Variants in ADARB2 observed in about 807,000 individuals in gnomAD.
The protein encoded by ADARB2 is adenosine deaminase RNA specific B2 (inactive).
A neutral mutation model predicts 62.2 loss-of-function variants in ADARB2; 25 were observed. The ratio of observed to expected loss-of-function variants is 0.40; its 90% CI spans 0.29 to 0.56. The LOEUF (loss-of-function observed/expected upper bound fraction) is 0.56. Among genes scored for constraint, ADARB2 ranks in the 20% least tolerant of loss-of-function variants. The probability of loss-of-function intolerance (pLI) is 0.43; values close to 1 mark genes in which losing one functional copy is unlikely to be tolerated. For missense variants in ADARB2, 1,071 were observed against 1,077.4 expected (o/e 0.99, Z 0.08); for synonymous variants, 572 against 500.8 (o/e 1.14, Z -1.90).
Position 1,312,212 on chromosome 10 carries a change from T to C in ADARB2, c.1078-41143A>G, listed in dbSNP as rs565179005. Reference sequence around the variant, plus strand: ...TCTCCTTGGAGCATGCGAACCTTGGTGGGTGCTGGCTGGCCTGCACCAGAG... The same window carrying C: ...TCTCCTTGGAGCATGCGAACCTTGGCGGGTGCTGGCTGGCCTGCACCAGAG... On this transcript the variant is annotated intron_variant, in intron 3 of 9. Coordinates refer to ENST00000381312, the MANE Select transcript of ADARB2 (RefSeq NM_018702.4). 1.2e-3 allele frequency among the ~76,000 whole-genome samples: 188 copies of C among 152,316 alleles called. 1 individual carries two copies. The highest frequency in any genetic ancestry group is 2.4e-3 in the Non-Finnish European group (161 of 68,028).
intron 1 of ADARB2, among the ~76,000 whole-genome samples, chr10:1,510,124 C>A (rs1381764252): frequency 1.7e-5 from 2 of 117,600 alleles, no homozygotes; most frequent in African/African-American, 3.6e-5. Flanking sequence ...TTCTTTCTTT[C>A]TTTCTTTCTT....
intron 1 of ADARB2, among the ~76,000 whole-genome samples, chr10:1,569,498 G>A (rs980037953): frequency 1.6e-4 from 24 of 152,150 alleles, no homozygotes; most frequent in African/African-American, 5.8e-4. Context: ...AACACCTAAC[G>A]AGGTCAGCAA....
intron 2 of ADARB2, among the ~76,000 whole-genome samples, chr10:1,377,282 T>C (rs143518441): frequency 2.0e-3 from 285 of 141,302 alleles, no homozygotes; most frequent in Middle Eastern, 0.013. Flanking sequence ...CTGGGGTGTG[T>C]GTATGTGCGT....
At chr10:1,245,630 T>C (rs1160720923) in intron 4 of ADARB2, among the ~76,000 whole-genome samples, 1 of 152,182 alleles carries the variant, frequency 6.6e-6, no homozygotes, top group Non-Finnish European at 1.5e-5. Context: ...GAATGATGGT[T>C]TCTAGCTTCA....
At chr10:1,550,638 T>C (rs1832606650) in intron 1 of ADARB2, among the ~76,000 whole-genome samples, 1 of 152,214 alleles carries the variant, frequency 6.6e-6, no homozygotes, top group African/African-American at 2.4e-5. Flanking sequence ...GGAGAGGTTT[T>C]AGTGTAATGC....
intron 1 of ADARB2, among the ~76,000 whole-genome samples, chr10:1,591,493 G>A (rs1279052690): frequency 1.3e-5 from 2 of 152,154 alleles, no homozygotes; most frequent in Non-Finnish European, 2.9e-5. Context: ...GGTCTTCATG[G>A]GAGCCCCTGA....
At chr10:1,624,758 A>G (rs906575249) in intron 1 of ADARB2, among the ~76,000 whole-genome samples, 2 of 152,250 alleles carry the variant, frequency 1.3e-5, no homozygotes, top group South Asian at 4.1e-4. Flanking sequence ...ATATGCAGGA[A>G]CAAAATGACT....
chr10:1,371,837 AG>A (rs1832375327), intron 2 of ADARB2, among the ~76,000 whole-genome samples: 1 of 151,486 alleles, frequency 6.6e-6, no homozygotes, highest in South Asian at 2.1e-4. Context: ...TGCAGAGAAA[AG>A]GGGATGCTTG....
chr10:1,479,244 G>A (rs144636191), intron 1 of ADARB2, among the ~76,000 whole-genome samples: 14 of 152,276 alleles, frequency 9.2e-5, no homozygotes, highest in Admixed American at 6.5e-5. Context: ...AGTGAGGACC[G>A]GGGGTACAGA....
chr10:1,282,427 A>C (rs1375107812), intron 3 of ADARB2, among the ~76,000 whole-genome samples: 1 of 152,226 alleles, frequency 6.6e-6, no homozygotes, highest in Non-Finnish European at 1.5e-5. Flanking sequence ...TAATTAAATC[A>C]CATACATGAT....
chr10:1,709,950 T>G (rs1834930816), intron 1 of ADARB2, among the ~76,000 whole-genome samples: 1 of 152,228 alleles, frequency 6.6e-6, no homozygotes, highest in African/African-American at 2.4e-5. Flanking sequence ...TATGCTAATT[T>G]GAGAAGTTGC....
chr10:1,685,008 G>T lies in ADARB2; in HGVS notation c.100+52043C>A, dbSNP rs543313215. ...AGGATAGTGTGAGTTCTGAGTGTGG[G>T]TTGTCATCCTTGCTCATGGGTGGGT... On this transcript the variant is annotated intron_variant, in intron 1 of 9. Coordinates refer to ENST00000381312, the MANE Select transcript of ADARB2 (RefSeq NM_018702.4). 2.0e-5 allele frequency among the ~76,000 whole-genome samples: 3 copies of T among 152,234 alleles called. No individual in the cohort carries two copies. In the East Asian group the frequency reaches 5.8e-4, roughly 29 times the overall value.
At chr10:1,212,456 C>T (rs2131750396) in intron 7 of ADARB2, among the ~76,000 whole-genome samples, 1 of 152,364 alleles carries the variant, frequency 6.6e-6, no homozygotes, top group South Asian at 2.1e-4. Flanking sequence ...GGCTGTGTCC[C>T]CATGTCACTG....
intron 3 of ADARB2, 115 bp downstream of exon 3, chr10:1,362,913 C>G (rs887417080): frequency 2.0e-6 from 2 of 1,008,792 alleles, no homozygotes; most frequent in African/African-American, 3.4e-5. Flanking sequence ...CCTCCCGCTC[C>G]ACGCGGCCTC....
At chr10:1,386,522 TAAC>T (rs1201165447) in intron 1 of ADARB2, among the ~76,000 whole-genome samples, 4 of 151,978 alleles carry the variant, frequency 2.6e-5, no homozygotes, top group Non-Finnish European at 5.9e-5. Context: ...ATGGCTATGT[TAAC>T]AATAGACACA....
chr10:1,536,173 G>A (rs1282971395), intron 1 of ADARB2, among the ~76,000 whole-genome samples: 1 of 152,124 alleles, frequency 6.6e-6, no homozygotes, highest in Admixed American at 6.5e-5. Context: ...TGAGGAGGTG[G>A]TTCCTGGGGA....
chr10:1,301,725 T>A (rs1445462481), intron 3 of ADARB2, among the ~76,000 whole-genome samples: 1 of 152,232 alleles, frequency 6.6e-6, no homozygotes, highest in Admixed American at 6.5e-5. Flanking sequence ...TGTCATTGAA[T>A]TTTGTGCTAA....
At chr10:1,512,095 A>G (rs1831944643) in intron 1 of ADARB2, among the ~76,000 whole-genome samples, 1 of 152,036 alleles carries the variant, frequency 6.6e-6, no homozygotes, top group Non-Finnish European at 1.5e-5. Context: ...TGCTGTCTAC[A>G]CTGGACACCA....
chr10:1,194,014 C>T (rs1469182286), intron 8 of ADARB2, among the ~76,000 whole-genome samples: 1 of 152,206 alleles, frequency 6.6e-6, no homozygotes. Context: ...AAATATCTCT[C>T]CTGTTCCATT....
Sources: allele counts gnomAD v4.1 joint callset (sites outside exome capture counted in the v4.1 genomes callset), GRCh38; gene constraint gnomAD v4.1.1; transcripts MANE v1.5; gene names NCBI Gene and HGNC (gene_info 2026-07-23, HGNC 2026-07-21).